SHISA6: variants seen among roughly 807,000 people sequenced by gnomAD.
SHISA6 encodes shisa family member 6.
A neutral mutation model predicts 47.9 loss-of-function variants in SHISA6; 22 were observed. The observed-to-expected ratio is 0.46, with a 90% CI of 0.33 to 0.66. The LOEUF (loss-of-function observed/expected upper bound fraction) is 0.66. SHISA6 is among the 30% of genes least tolerant of loss of function. The pLI, the probability that SHISA6 is intolerant of heterozygous loss-of-function variation, is 0.02. For missense variants in SHISA6, 680 were observed against 764.6 expected (o/e 0.89, Z 1.30); for synonymous variants, 388 against 337.8 (o/e 1.15, Z -1.63).
chr17:11,453,613 C>G (rs190163969), intron 3 of SHISA6, among the ~76,000 whole-genome samples: 1 of 152,338 alleles, frequency 6.6e-6, no homozygotes, highest in Admixed American at 6.5e-5. Context: ...ATCTCTGCCT[C>G]TCACTTCTTT....
At chr17:11,274,605 A>G (rs1416197035) in intron 2 of SHISA6, among the ~76,000 whole-genome samples, 3 of 152,258 alleles carry the variant, frequency 2.0e-5, no homozygotes, top group East Asian at 3.9e-4. Context: ...TCCGTTGCCT[A>G]CAGAGTAAAG....
intron 2 of SHISA6, among the ~76,000 whole-genome samples, chr17:11,326,630 A>C (rs776205930): frequency 1.3e-5 from 2 of 152,212 alleles, no homozygotes; most frequent in Non-Finnish European, 2.9e-5. Flanking sequence ...AACACCGTTA[A>C]TTGGCTCCAG....
At chr17:11,343,263 C>T (rs1911596301) in intron 2 of SHISA6, among the ~76,000 whole-genome samples, 1 of 152,174 alleles carries the variant, frequency 6.6e-6, no homozygotes, top group African/African-American at 2.4e-5. Flanking sequence ...CAGTTAATTT[C>T]CCTGGTCCTC....
intron 2 of SHISA6, among the ~76,000 whole-genome samples, chr17:11,265,640 T>G (rs557418602): frequency 1.3e-4 from 20 of 152,332 alleles, no homozygotes; most frequent in African/African-American, 4.6e-4. Flanking sequence ...GAAGTCATTC[T>G]CCACCAGAAC....
intron 2 of SHISA6, among the ~76,000 whole-genome samples, chr17:11,358,008 A>G (rs1912130393): frequency 6.6e-6 from 1 of 152,232 alleles, no homozygotes; most frequent in African/African-American, 2.4e-5. Flanking sequence ...TATGCTAAAA[A>G]TATTAACTTT....
At chr17:11,411,579 T>G in intron 3 of SHISA6, among the ~76,000 whole-genome samples, 1 of 152,028 alleles carries the variant, frequency 6.6e-6, no homozygotes, top group Non-Finnish European at 1.5e-5. Flanking sequence ...GTATTTTTAG[T>G]AGAGACAGGA....
At chr17:11,354,651 A>G (rs1912021759) in intron 2 of SHISA6, among the ~76,000 whole-genome samples, 1 of 152,212 alleles carries the variant, frequency 6.6e-6, no homozygotes, top group African/African-American at 2.4e-5. Flanking sequence ...CACATCAGCC[A>G]AGGCAGCTGT....
intron 1 of SHISA6, among the ~76,000 whole-genome samples, chr17:11,260,360 A>G (rs1908182122): frequency 6.6e-6 from 1 of 151,958 alleles, no homozygotes; most frequent in East Asian, 1.9e-4. Context: ...GGAGCATACT[A>G]CTAAGGTGAC....
In SHISA6 at chr17:11,313,871, G is replaced by T. The variant is rs568317569; in HGVS notation, c.799+50345G>T. 1.8e-4 allele frequency among the ~76,000 whole-genome samples: 27 copies of T among 152,200 alleles called. No homozygotes were observed. In the South Asian group the frequency reaches 5.4e-3, roughly 30 times the overall value. On this transcript the variant is annotated intron_variant, in intron 2 of 5. Coordinates refer to ENST00000441885, the MANE Select transcript of SHISA6 (RefSeq NM_207386.4). Reference sequence around the variant, plus strand: ...GGAGAGAGAGAGAGAGAAGGACCAGGGTTGGATGGCCGGCCACTGAAGGTT... The same window carrying T: ...GGAGAGAGAGAGAGAGAAGGACCAGTGTTGGATGGCCGGCCACTGAAGGTT...
intron 3 of SHISA6, among the ~76,000 whole-genome samples, chr17:11,423,209 ATATG>A (rs1301054892): frequency 3.1e-5 from 4 of 131,066 alleles, no homozygotes; most frequent in South Asian, 5.4e-4. Flanking sequence ...TGTGTAACAT[ATATG>A]TATGTGTGTG....
At chr17:11,379,701 G>A in intron 3 of SHISA6, 192 bp downstream of exon 3, 2 of 455,012 alleles carry the variant, frequency 4.4e-6, no homozygotes, top group Non-Finnish European at 3.9e-6. Context: ...GACTTTAGAG[G>A]GCGATAGACT....
At chr17:11,522,245 G>A (rs576987411) in intron 3 of SHISA6, among the ~76,000 whole-genome samples, 9 of 151,846 alleles carry the variant, frequency 5.9e-5, no homozygotes, top group South Asian at 2.1e-4. Context: ...GATTACAGGC[G>A]TGAGTCACCA....
chr17:11,328,646 A>G (rs978975000), intron 2 of SHISA6, among the ~76,000 whole-genome samples: 1 of 152,252 alleles, frequency 6.6e-6, no homozygotes, highest in African/African-American at 2.4e-5. Flanking sequence ...AAATATCCCA[A>G]CAAAAACTAC....
At chr17:11,467,145 G>T (rs917984159) in intron 3 of SHISA6, among the ~76,000 whole-genome samples, 3 of 152,174 alleles carry the variant, frequency 2.0e-5, no homozygotes, top group Non-Finnish European at 2.9e-5. Flanking sequence ...TCCAGAGTTA[G>T]TTCCTGTGGG....
At chr17:11,242,139 C>T in intron 1 of SHISA6, 79 bp downstream of exon 1, 1 of 1,525,196 alleles carries the variant, frequency 6.6e-7, no homozygotes, top group Non-Finnish European at 8.8e-7. Context: ...CCTCTTCACT[C>T]TCGGCATCAT....
At chr17:11,375,801 A>G (rs1912779988) in intron 2 of SHISA6, among the ~76,000 whole-genome samples, 1 of 152,158 alleles carries the variant, frequency 6.6e-6, no homozygotes, top group Non-Finnish European at 1.5e-5. Flanking sequence ...CGACTGAGCT[A>G]AAATAAAATC....
chr17:11,499,732 C>T (rs2071436705), intron 3 of SHISA6, among the ~76,000 whole-genome samples: 1 of 139,474 alleles, frequency 7.2e-6, no homozygotes, highest in African/African-American at 2.8e-5. Context: ...GACAGAGTCT[C>T]ACTCTGTTGC....
intron 3 of SHISA6, among the ~76,000 whole-genome samples, chr17:11,550,743 A>G (rs2071924896): frequency 6.6e-6 from 1 of 152,144 alleles, no homozygotes; most frequent in Non-Finnish European, 1.5e-5. Context: ...ATAAAATCTA[A>G]CCCTACAGAT....
chr17:11,439,974 G>C (rs570291484), intron 3 of SHISA6, among the ~76,000 whole-genome samples: 19 of 152,210 alleles, frequency 1.2e-4, no homozygotes, highest in Non-Finnish European at 1.6e-4. Context: ...GGAGGAAAGG[G>C]AAAGACAACC....
Sources: gnomAD v4.1 joint callset for allele counts (sites outside exome capture counted in the v4.1 genomes callset) on GRCh38, gnomAD v4.1.1 for gene constraint, MANE v1.5 for transcripts, NCBI Gene and HGNC (gene_info 2026-07-23, HGNC 2026-07-21) for gene names.